Variants in TMEM175 observed in about 807,000 individuals in gnomAD.
The protein encoded by TMEM175 is endosomal/lysosomal proton channel TMEM175.
TMEM175 carries 36 observed loss-of-function variants against 36.5 expected under a neutral mutation model. The observed-to-expected ratio is 0.99, with a 90% CI of 0.76 to 1.30. TMEM175 has a LOEUF of 1.30. Among genes scored for constraint, TMEM175 ranks in the 50% most tolerant of loss-of-function variants. TMEM175 has a pLI of 0.00. For missense variants in TMEM175, 705 were observed against 692.8 expected (o/e 1.02, Z -0.20); for synonymous variants, 339 against 313.4 (o/e 1.08, Z -0.86).
In TMEM175 at chr4:947,787, C is replaced by T; in HGVS notation, c.48C>T (p.Asp16=). Residue 16 remains aspartate (D), a synonymous_variant, in exon 2 of 11, where the codon GAC becomes GAT. Transcript: ENST00000264771. The part of the protein sequence containing the change: ...TPEQALDTPG[D]CPPGRRDEDA... ...AGCAGGCACTGGATACACCGGGGGA[C>T]TGCCCCCCAGGCAGGAGAGACGAGG... 2 of 1,612,854 alleles carry T rather than the reference C, an allele frequency of 1.2e-6. No individual in the cohort carries two copies. The highest frequency in any genetic ancestry group is 1.7e-6 in the Non-Finnish European group (2 of 1,179,888).
rs758108335 is a variant in TMEM175, at chr4:950,501, C to G, written c.273C>G (p.Ala91=). The stretch of plus-strand genomic sequence containing the variant: ...TGACCTTTCTCATCGTGACAGTGGC[C>G]TGGGCAGCACACACAAGGTGGGGGC... ...YLMTFLIVTV[A]WAAHTRLFQV... is the part of the protein sequence containing the mutation. Residue 91 remains alanine, a synonymous_variant, in exon 4 of 11, where the codon GCC becomes GCG. Transcript: ENST00000264771. 6.2e-7 allele frequency: 1 copy of G among 1,614,002 alleles called. No homozygotes were observed. Among genetic ancestry groups the G allele is most frequent in the Non-Finnish European group, 8.5e-7 (1 of 1,179,946 alleles).
chr4:948,287 G>A (rs1363164181), intron 3 of TMEM175, 133 bp downstream of exon 3: 37 of 1,577,758 alleles, frequency 2.3e-5, no homozygotes, highest in South Asian at 5.7e-5. Flanking sequence ...GGCGGGAGGC[G>A]GGGGCCTCCT....
At chr4:950,867 G>A (rs1442577521) in intron 4 of TMEM175, among the ~76,000 whole-genome samples, 1 of 151,526 alleles carries the variant, frequency 6.6e-6, no homozygotes, top group Non-Finnish European at 1.5e-5. Context: ...TGTGGACGGT[G>A]CAGTAGGTGG....
intron 1 of TMEM175, among the ~76,000 whole-genome samples, chr4:940,383 G>A (rs1727291120): frequency 1.3e-5 from 2 of 150,870 alleles, no homozygotes; most frequent in South Asian, 4.2e-4. Flanking sequence ...GGGAGCTGGA[G>A]GTTGCAGTGA....
At chr4:955,309 T>G in intron 8 of TMEM175, 96 bp from the exon 9 acceptor site, 2 of 921,724 alleles carry the variant, frequency 2.2e-6, no homozygotes, top group Non-Finnish European at 3.5e-6. Flanking sequence ...CCCTCCCTTC[T>G]GCCGCAGCCC....
At chr4:934,777 C>T (rs2152995624) in intron 1 of TMEM175, among the ~76,000 whole-genome samples, 1 of 152,280 alleles carries the variant, frequency 6.6e-6, no homozygotes, top group Middle Eastern at 3.4e-3. Flanking sequence ...ATAATTCTAT[C>T]TTAATGAGAT....
chr4:940,521 T>C (rs975189256), intron 1 of TMEM175, among the ~76,000 whole-genome samples: 7 of 151,054 alleles, frequency 4.6e-5, no homozygotes, highest in Admixed American at 2.6e-4. Context: ...GCACCAGAGA[T>C]TTTTAGGGTG....
intron 7 of TMEM175, among the ~76,000 whole-genome samples, chr4:952,862 G>A (rs1177611302): frequency 6.6e-6 from 1 of 151,948 alleles, no homozygotes; most frequent in Non-Finnish European, 1.5e-5. Flanking sequence ...CATAGGATGT[G>A]GCATGCCCAG....
chr4:951,756 T>A (rs749372019), intron 6 of TMEM175, 39 bp downstream of exon 6: 1 of 1,604,998 alleles, frequency 6.2e-7, no homozygotes, highest in South Asian at 1.1e-5. Context: ...GAGGCTTTGC[T>A]GGGCACCACT....
intron 3 of TMEM175, among the ~76,000 whole-genome samples, chr4:949,031 T>C (rs919749655): frequency 6.6e-6 from 1 of 152,158 alleles, no homozygotes; most frequent in Admixed American, 6.5e-5. Flanking sequence ...GCACAGGCAC[T>C]GGGACCCCAG....
At chr4:956,182 C>G in intron 10 of TMEM175, 1 of 765,158 alleles carries the variant, frequency 1.3e-6, no homozygotes, top group Non-Finnish European at 1.9e-6. Flanking sequence ...TCTCCTCACT[C>G]CTCTCAGAGG....
At chr4:945,523 G>A (rs1008654566) in intron 1 of TMEM175, among the ~76,000 whole-genome samples, 1 of 152,160 alleles carries the variant, frequency 6.6e-6, no homozygotes, top group African/African-American at 2.4e-5. Context: ...CTGATTGCTA[G>A]TGAAGTGGAA....
chr4:944,138 C>T (rs1376862441), intron 1 of TMEM175, among the ~76,000 whole-genome samples: 1 of 152,124 alleles, frequency 6.6e-6, no homozygotes, highest in African/African-American at 2.4e-5. Context: ...ACTAAAAATA[C>T]AAAAATTAGC....
chr4:943,819 A>G lies in TMEM175; in HGVS notation c.-31-3890A>G, dbSNP rs963399090. On this transcript the variant is annotated intron_variant, in intron 1 of 10. Transcript: ENST00000264771. ...ATTCATAATTGTGCAAAATGAAACA[A>G]TACACACGTTTTTCAGCTGGTAAGT... Among the ~76,000 whole-genome samples, 6 of 152,358 alleles carry G rather than the reference A, an allele frequency of 3.9e-5. 1 individual carries two copies. Among genetic ancestry groups the G allele is most frequent in the African/African-American group, 9.6e-5 (4 of 41,570 alleles).
chr4:948,756 C>A, intron 3 of TMEM175: 1 of 994,620 alleles, frequency 1.0e-6, no homozygotes, highest in Non-Finnish European at 1.3e-6. Flanking sequence ...ATGACAGGGT[C>A]GTGCGGCCCA....
chr4:956,227 C>A, intron 10 of TMEM175: 2 of 1,061,264 alleles, frequency 1.9e-6, no homozygotes, highest in Non-Finnish European at 2.5e-6. Context: ...CTGCCCCAGG[C>A]CTCACCCCTG....
At chr4:952,720 T>G (rs939130108) in intron 7 of TMEM175, among the ~76,000 whole-genome samples, 5 of 148,808 alleles carry the variant, frequency 3.4e-5, no homozygotes, top group Admixed American at 3.3e-4. Flanking sequence ...TGCGTGTGTG[T>G]TCACCATCAG....
In TMEM175 at chr4:947,890, A is replaced by G. The variant is rs371250180; in HGVS notation, c.151A>G (p.Met51Val). 8 of 1,613,674 alleles carry G rather than the reference A, an allele frequency of 5.0e-6. No homozygotes were observed. Among genetic ancestry groups the G allele is most frequent in the African/African-American group, 1.3e-5 (1 of 74,890 alleles). ...DALLSIIATV[M>V]ILPVTHTEIS... Reference sequence around the variant, plus strand: ...CCTGCTGTCCATCATCGCCACCGTCATGGTCTGTACGGGGCCCCTGCTTAG... The same window carrying G: ...CCTGCTGTCCATCATCGCCACCGTCGTGGTCTGTACGGGGCCCCTGCTTAG... Residue 51 changes from methionine to valine, a missense_variant and splice_region_variant, in exon 2 of 11, where the codon ATG becomes GTG. Coordinates refer to ENST00000264771, the MANE Select transcript of TMEM175 (RefSeq NM_032326.4).
chr4:951,418 C>A (rs1248908101), intron 5 of TMEM175, among the ~76,000 whole-genome samples, 160 bp downstream of exon 5: 1 of 152,170 alleles, frequency 6.6e-6, no homozygotes, highest in Non-Finnish European at 1.5e-5. Context: ...ATCTTTCCCT[C>A]CCCATGGGTC....
Sources: allele counts gnomAD v4.1 joint callset (sites outside exome capture counted in the v4.1 genomes callset), GRCh38; gene constraint gnomAD v4.1.1; transcripts MANE v1.5; gene names NCBI Gene and HGNC (gene_info 2026-07-23, HGNC 2026-07-21).